Variants in SKIL observed in about 807,000 individuals in gnomAD.
The protein encoded by SKIL is SKI like proto-oncogene.
SKIL carries 20 observed loss-of-function variants against 69.6 expected under a neutral mutation model. That is an observed-to-expected ratio of 0.29 (90% CI 0.20 to 0.42). The LOEUF (loss-of-function observed/expected upper bound fraction) is 0.42, where lower values mean the gene tolerates loss of function less well. Ranked by LOEUF, SKIL falls within the 10% of genes least tolerant of loss-of-function variation. The pLI, the probability that SKIL is intolerant of heterozygous loss-of-function variation, is 1.00. For synonymous variants in SKIL, 310 were observed against 279.9 expected (o/e 1.11, Z -1.08); for missense variants, 745 against 783.1 (o/e 0.95, Z 0.58).
At chr3:170,362,676 A>G (rs912831460) in intron 2 of SKIL, among the ~76,000 whole-genome samples, 2 of 151,398 alleles carry the variant, frequency 1.3e-5, no homozygotes, top group African/African-American at 4.9e-5. Context: ...TTAGCCAGGC[A>G]TGGTGGTGTG....
chr3:170,375,376 C>T (rs1042176592), intron 2 of SKIL, among the ~76,000 whole-genome samples: 1 of 152,140 alleles, frequency 6.6e-6, no homozygotes, highest in African/African-American at 2.4e-5. Context: ...AGGTTTGGCT[C>T]ATGAGTAAAG....
In SKIL at chr3:170,383,768, C is replaced by T. The variant is rs552910905; in HGVS notation, c.1197-765C>T. On this transcript the variant is annotated intron_variant, in intron 3 of 6. Transcript: ENST00000259119. ...GCCCTGGGAGCTCCTCACTGAGCCT[C>T]CTGTGAGTCAGGACATAGCCTTGCA... Among the ~76,000 whole-genome samples the T allele has an allele frequency of 3.9e-5, 6 of 152,232 alleles. No individual in the cohort carries two copies. The South Asian group carries it at 1.2e-3, about 32-fold the overall frequency.
In SKIL at chr3:170,395,980, ATTTTATAT is replaced by A. The variant is rs1476392982; in HGVS notation, c.*3565_*3572del. On this transcript the variant is annotated 3_prime_UTR_variant, in exon 7 of 7. Transcript: ENST00000259119. ...ACTTTTGGAAGAAAAGTGTATTAGT[ATTTTATAT>A]TGCATTTCATTTAAAAGGACAGTTT... 1 of 144,962 alleles carries A rather than the reference ATTTTATAT, an allele frequency of 6.9e-6. No individual in the cohort carries two copies. The highest frequency in any genetic ancestry group is 2.5e-5 in the African/African-American group (1 of 39,540). The allele number at this position is 144,962 out of a possible 1,614,324, so 9.0% of individuals were successfully genotyped here. A position where few individuals can be genotyped will look rare whatever the true frequency, so the allele number is the denominator to read the frequency against.
intron 1 of SKIL, among the ~76,000 whole-genome samples, chr3:170,358,239 G>A (rs1339067833): frequency 6.6e-6 from 1 of 152,124 alleles, no homozygotes; most frequent in Non-Finnish European, 1.5e-5. Context: ...AGCATTAGGG[G>A]CGCTGAGGTG....
chr3:170,385,867 T>G (rs1737599288), intron 4 of SKIL, among the ~76,000 whole-genome samples: 1 of 151,604 alleles, frequency 6.6e-6, no homozygotes. Flanking sequence ...AATGGTGAGA[T>G]CTCAGCTCAC....
Position 170,392,339 on chromosome 3 carries a change from A to G in SKIL, c.1977A>G (p.Glu659=), listed in dbSNP as rs1366162065. The change falls in exon 7 of 7, where the codon GAA becomes GAG. Residue 659 remains glutamate, a synonymous_variant. Coordinates refer to ENST00000259119, the MANE Select transcript of SKIL (RefSeq NM_005414.5). ...ELQDELRQER[E]ARQKLEMMIK... is the part of the protein sequence containing the mutation. ...AAGATGAACTCAGACAGGAACGGGAAGCAAGACAGAAGTTAGAGATGATGA... is the reference window on the plus strand; with the variant it reads ...AAGATGAACTCAGACAGGAACGGGAGGCAAGACAGAAGTTAGAGATGATGA... 1.2e-6 allele frequency: 2 copies of G among 1,613,180 alleles called. No individual in the cohort carries two copies. The highest frequency in any genetic ancestry group is 1.7e-4 in the Middle Eastern group (1 of 6,060).
chr3:170,383,225 A>G (rs1737451153), intron 3 of SKIL, among the ~76,000 whole-genome samples: 1 of 152,082 alleles, frequency 6.6e-6, no homozygotes, highest in Non-Finnish European at 1.5e-5. Context: ...TCTTATTTAC[A>G]TTTGTACAAT....
intron 2 of SKIL, among the ~76,000 whole-genome samples, chr3:170,368,878 A>G (rs1412830636): frequency 6.6e-6 from 1 of 152,224 alleles, no homozygotes; most frequent in Non-Finnish European, 1.5e-5. Flanking sequence ...GATTGGAGAT[A>G]GTGCCCATTC....
chr3:170,364,096 G>A (rs895102626), intron 2 of SKIL, among the ~76,000 whole-genome samples: 1 of 152,044 alleles, frequency 6.6e-6, no homozygotes, highest in East Asian at 1.9e-4. Flanking sequence ...GACTTCAGGC[G>A]CCCACCGCCA....
chr3:170,368,296 C>CT (rs1205854242), intron 2 of SKIL, among the ~76,000 whole-genome samples: 1 of 152,150 alleles, frequency 6.6e-6, no homozygotes, highest in African/African-American at 2.4e-5. Flanking sequence ...ATACTTTTGT[C>CT]TAACTTTCTA....
chr3:170,360,137 AG>A lies in SKIL; in HGVS notation c.-194del. ...AAACGAACAATTTTATAGGATTTGTAGTGAAATTATACCAGATTATAAGGAG... is the reference window on the plus strand; with the variant it reads ...AAACGAACAATTTTATAGGATTTGTATGAAATTATACCAGATTATAAGGAG... On this transcript the variant is annotated 5_prime_UTR_variant, in exon 2 of 7. In the 5' UTR this introduces an upstream ATG that the reference lacks. Transcript: ENST00000259119. 1 of 494,568 alleles carries A rather than the reference AG, an allele frequency of 2.0e-6. No individual in the cohort carries two copies. Among genetic ancestry groups the A allele is most frequent in the Non-Finnish European group, 3.6e-6 (1 of 281,268 alleles). 30.6% of individuals were successfully genotyped at this position (494,568 alleles called of 1,614,324 possible).
chr3:170,359,377 C>T (rs1345364735), intron 1 of SKIL, among the ~76,000 whole-genome samples: 2 of 152,102 alleles, frequency 1.3e-5, no homozygotes, highest in Non-Finnish European at 2.9e-5. Flanking sequence ...GGGCGGATCA[C>T]CTGAGGTCAG....
chr3:170,390,515 A>G (rs1737861100), intron 5 of SKIL, 51 bp downstream of exon 5: 1 of 1,484,432 alleles, frequency 6.7e-7, no homozygotes, highest in East Asian at 2.3e-5. Context: ...ACTTTTGTAT[A>G]TTGCTCTGTC....
At chr3:170,363,571 C>G (rs570031099) in intron 2 of SKIL, among the ~76,000 whole-genome samples, 22 of 152,114 alleles carry the variant, frequency 1.4e-4, no homozygotes, top group African/African-American at 5.3e-4. Flanking sequence ...TTGCAGCCTC[C>G]GCCTCCTGGG....
chr3:170,372,437 G>C (rs960848659), intron 2 of SKIL, among the ~76,000 whole-genome samples: 1 of 152,180 alleles, frequency 6.6e-6, no homozygotes, highest in African/African-American at 2.4e-5. Context: ...AGATCATACT[G>C]TCCCAGTTTT....
At chr3:170,381,368 G>A (rs368350755) in intron 3 of SKIL, 27 bp downstream of exon 3, 32 of 1,073,030 alleles carry the variant, frequency 3.0e-5, no homozygotes, top group East Asian at 2.6e-4. Context: ...TTGTTCGTTT[G>A]TTCATTCATT....
intron 3 of SKIL, among the ~76,000 whole-genome samples, chr3:170,383,604 A>G (rs1737468472): frequency 1.3e-5 from 2 of 152,162 alleles, no homozygotes; most frequent in African/African-American, 2.4e-5. Context: ...TTAGTTTTGC[A>G]TAATTTATTG....
chr3:170,376,423 A>C (rs1737037089), intron 2 of SKIL, among the ~76,000 whole-genome samples: 1 of 152,134 alleles, frequency 6.6e-6, no homozygotes, highest in Admixed American at 6.5e-5. Context: ...GGTCATGTAG[A>C]GCTGGGGTGC....
At chr3:170,367,370 T>C (rs1052690678) in intron 2 of SKIL, among the ~76,000 whole-genome samples, 6 of 152,162 alleles carry the variant, frequency 3.9e-5, no homozygotes, top group African/African-American at 1.4e-4. Flanking sequence ...GTGCTAGGAT[T>C]ACAGGCGTGA....
Sources: allele counts gnomAD v4.1 joint callset (sites outside exome capture counted in the v4.1 genomes callset), GRCh38; gene constraint gnomAD v4.1.1; transcripts MANE v1.5; gene names NCBI Gene and HGNC (gene_info 2026-07-23, HGNC 2026-07-21).